Variants in PUDP observed in about 807,000 individuals in gnomAD.
PUDP encodes the protein pseudouridine-5'-phosphatase.
Under a neutral mutation model 9.4 loss-of-function variants are expected in PUDP, and 8 were observed. The observed-to-expected ratio is 0.85, with a 90% CI of 0.50 to 1.53. PUDP has a LOEUF of 1.53. PUDP is among the 40% of genes most tolerant of loss of function. The pLI, the probability that PUDP is intolerant of heterozygous loss-of-function variation, is 0.00. For synonymous variants in PUDP, 99 were observed against 80.7 expected (o/e 1.23, Z -1.22); for missense variants, 188 against 189.7 (o/e 0.99, Z 0.05).
chrX:7,039,329 T>A (rs1270409289), intron 1 of PUDP, among the ~76,000 whole-genome samples: 1 of 112,176 alleles, frequency 8.9e-6, no homozygotes, highest in African/African-American at 3.2e-5. Context: ...TAATCTGATA[T>A]TTACAAGTGC....
chrX:6,963,352 G>A (rs1286235946), intron 3 of PUDP, among the ~76,000 whole-genome samples: 3 of 111,307 alleles, frequency 2.7e-5, no homozygotes, highest in African/African-American at 9.8e-5. Context: ...ACCTCCTTCA[G>A]GTAAGAAAAA....
chrX:6,901,441 T>C (rs1042343554), intron 3 of PUDP, among the ~76,000 whole-genome samples: 9 of 112,282 alleles, frequency 8.0e-5, no homozygotes, highest in Non-Finnish European at 1.5e-4. Context: ...CAAACACTGA[T>C]GCCAGGACAC....
intron 3 of PUDP, among the ~76,000 whole-genome samples, chrX:6,765,659 A>C (rs1925276010): frequency 8.9e-6 from 1 of 111,896 alleles, no homozygotes. Flanking sequence ...AATGACTGAG[A>C]TGTGATAGCA....
intron 3 of PUDP, among the ~76,000 whole-genome samples, chrX:6,782,120 T>C (rs1925572526): frequency 8.9e-6 from 1 of 111,820 alleles, no homozygotes; most frequent in African/African-American, 3.3e-5. Context: ...GCTAGAAATG[T>C]GGACATAACT....
At chrX:6,927,963 T>C (rs1295661020) in intron 3 of PUDP, among the ~76,000 whole-genome samples, 6 of 71,471 alleles carry the variant, frequency 8.4e-5, no homozygotes, top group African/African-American at 2.5e-4. Context: ...TGTGGTCTTC[T>C]CTTTTTTTTT....
At chrX:7,038,841 T>C (rs1929885481) in intron 1 of PUDP, among the ~76,000 whole-genome samples, 2 of 112,408 alleles carry the variant, frequency 1.8e-5, no homozygotes, top group Admixed American at 9.4e-5. Flanking sequence ...CCCATTGGGA[T>C]GAATATCGTT....
Position 7,072,830 on chromosome X carries a change from AAC to A in PUDP, c.510+4388_510+4389del, listed in dbSNP as rs199582705. Among the ~76,000 whole-genome samples, 4 of 109,257 alleles carry A rather than the reference AAC, an allele frequency of 3.7e-5. 1 individual carries two copies. Among genetic ancestry groups the A allele is most frequent in the Non-Finnish European group, 5.7e-5 (3 of 52,363 alleles). 94.9% of individuals were successfully genotyped at this position (109,257 alleles called of 115,157 possible). A position where few individuals can be genotyped will look rare whatever the true frequency, so the allele number is the denominator to read the frequency against. On this transcript the variant is annotated intron_variant, in intron 3 of 3. Coordinates refer to ENST00000381077, the MANE Select transcript of PUDP (RefSeq NM_012080.5). ...CTGTGTCTCAAAAAAAAAAAAAAAA[AAC>A]AAAACTGATTTCCGATTTCTGGTTT...
At chrX:7,012,255 ATG>A (rs1929487690) in intron 1 of PUDP, among the ~76,000 whole-genome samples, 1 of 112,130 alleles carries the variant, frequency 8.9e-6, no homozygotes, top group South Asian at 3.7e-4. Flanking sequence ...CAGCCCAGTT[ATG>A]TGATTATAGG....
intron 3 of PUDP, among the ~76,000 whole-genome samples, chrX:6,954,075 C>T (rs1928592144): frequency 9.1e-6 from 1 of 110,305 alleles, no homozygotes; most frequent in African/African-American, 3.3e-5. Context: ...GTTTTCTTCC[C>T]CTTCTACCAT....
At chrX:7,124,685 G>A (rs980189528) in intron 1 of PUDP, among the ~76,000 whole-genome samples, 11 of 111,388 alleles carry the variant, frequency 9.9e-5, no homozygotes, top group Non-Finnish European at 2.1e-4. Context: ...GGTGGCTCAC[G>A]CCTGTAATCC....
chrX:7,111,080 T>C (rs930467841), intron 1 of PUDP, among the ~76,000 whole-genome samples: 2 of 110,950 alleles, frequency 1.8e-5, no homozygotes, highest in Non-Finnish European at 3.8e-5. Flanking sequence ...GCTGTTCTCG[T>C]GATAGTGAGA....
In PUDP at chrX:7,036,712, C is replaced by T. The variant is rs762834344; in HGVS notation, c.204+40508G>A. Reference sequence around the variant, plus strand: ...TTGGTCTCTTTTTGTGTCTCTCTCTCTGAGATTCTGAGGCTCTGCCTATTC... The same window carrying T: ...TTGGTCTCTTTTTGTGTCTCTCTCTTTGAGATTCTGAGGCTCTGCCTATTC... On this transcript the variant is annotated intron_variant and NMD_transcript_variant, in intron 1 of 3. Coordinates refer to the PUDP transcript ENST00000655425. Among the ~76,000 whole-genome samples, 3 of 111,447 alleles carry T rather than the reference C, an allele frequency of 2.7e-5. No individual in the cohort carries two copies. The South Asian group carries it at 1.1e-3, about 42-fold the overall frequency.
chrX:6,949,882 G>A (rs1393520885), intron 3 of PUDP, among the ~76,000 whole-genome samples: 1 of 111,653 alleles, frequency 9.0e-6, no homozygotes, highest in Non-Finnish European at 1.9e-5. Context: ...GCTCCATTGG[G>A]GAAGAATCTG....
At position 6,984,860 on chromosome X, in the gene PUDP, C is replaced by T. The variant is rs908850019; in HGVS notation, c.205-6517G>A. Among the ~76,000 whole-genome samples, 4 of 111,745 alleles carry T rather than the reference C, an allele frequency of 3.6e-5. No homozygotes were observed. In the East Asian group the frequency reaches 1.1e-3, roughly 31 times the overall value. On this transcript the variant is annotated intron_variant and NMD_transcript_variant, in intron 1 of 3. Transcript: ENST00000655425. ...CTTTGCAAATATAATGCCAGAAACA[C>T]CAGAACCAAAATTAGGTGATTCAAT...
rs775297505 is a variant in PUDP, at chrX:6,960,915, C to A, written c.*247+16218G>T. Among the ~76,000 whole-genome samples the A allele has an allele frequency of 4.5e-5, 5 of 111,717 alleles. No homozygotes were observed. The East Asian group carries it at 1.4e-3, about 32-fold the overall frequency. On this transcript the variant is annotated intron_variant and NMD_transcript_variant, in intron 3 of 3. Transcript: ENST00000655425. ...CTTGCCACTATGGTGGGAGAGCAAC[C>A]ATACACAATATGGAAATAAATGGGC...
intron 3 of PUDP, among the ~76,000 whole-genome samples, chrX:6,947,662 C>T (rs1386525465): frequency 1.8e-5 from 2 of 110,992 alleles, no homozygotes; most frequent in Admixed American, 9.6e-5. Context: ...TATGGTGGCA[C>T]ATTCCTGTGG....
chrX:7,059,005 C>G (rs1930323627), intron 3 of PUDP, among the ~76,000 whole-genome samples: 1 of 111,602 alleles, frequency 9.0e-6, no homozygotes, highest in Admixed American at 9.5e-5. Flanking sequence ...GAAAATCAAA[C>G]TATAAAACCA....
intron 3 of PUDP, among the ~76,000 whole-genome samples, chrX:6,902,050 T>G (rs1363252562): frequency 5.4e-5 from 6 of 110,197 alleles, no homozygotes; most frequent in Non-Finnish European, 7.6e-5. Context: ...ATTTTAAAAT[T>G]TTTTTGTAAA....
intron 3 of PUDP, among the ~76,000 whole-genome samples, chrX:6,915,556 T>C (rs1315422772): frequency 8.9e-6 from 1 of 111,904 alleles, no homozygotes; most frequent in Non-Finnish European, 1.9e-5. Flanking sequence ...TACAGTTATG[T>C]GGACCTTGTA....
Sources: allele counts gnomAD v4.1 joint callset (sites outside exome capture counted in the v4.1 genomes callset), GRCh38; gene constraint gnomAD v4.1.1; transcripts MANE v1.5; gene names NCBI Gene and HGNC (gene_info 2026-07-23, HGNC 2026-07-21).